TBC1D9B: variants seen among roughly 807,000 people sequenced by gnomAD.
The protein encoded by TBC1D9B is TBC1 domain family member 9B.
Under a neutral mutation model 121.1 loss-of-function variants are expected in TBC1D9B, and 87 were observed. That is an observed-to-expected ratio of 0.72 (90% CI 0.60 to 0.86). The LOEUF (loss-of-function observed/expected upper bound fraction) is 0.86, where lower values mean the gene tolerates loss of function less well. Ranked by LOEUF, TBC1D9B falls within the 40% of genes least tolerant of loss-of-function variation. The pLI is 0.00. For missense variants in TBC1D9B, 1,540 were observed against 1,628.6 expected (o/e 0.95, Z 0.94); for synonymous variants, 668 against 670.1 (o/e 1.00, Z 0.05).
chr5:179,880,103 G>A (rs575054543), intron 7 of TBC1D9B: 180 of 432,916 alleles, frequency 4.2e-4, no homozygotes, highest in Non-Finnish European at 6.5e-4. Flanking sequence ...AAGGACAGGA[G>A]AGGCCCTATC....
rs113302038 is a variant in TBC1D9B at position 179,892,773 on chromosome 5, C to T, written c.836+436G>A. ...CTGTCAATCACGGTGGGACGGAGGC[C>T]GTGCACTTGAGCCCAGATTTACCAA... On this transcript the variant is annotated intron_variant, in intron 5 of 20. Transcript: ENST00000355235. 7.4e-3 allele frequency among the ~76,000 whole-genome samples: 1,122 copies of T among 152,308 alleles called. 8 individuals are homozygous for T. The highest frequency in any genetic ancestry group is 0.024 in the Middle Eastern group (7 of 294).
Position 179,902,580 on chromosome 5 carries a change from C to T in TBC1D9B, c.229+2122G>A, listed in dbSNP as rs1188375387. On this transcript the variant is annotated intron_variant, in intron 2 of 20. Coordinates refer to ENST00000355235, the MANE Select transcript of TBC1D9B (RefSeq NM_015043.4). The surrounding 1 kb of genome is among the most constrained non-coding windows in gnomAD (Gnocchi z 4.9). ...GGGGCTACGTACATGGGCTCCGCTG[C>T]GTGGCTGTGGCTGGGCCCCTCCCCA... is the stretch of plus-strand genomic sequence containing the variant. 1.3e-5 allele frequency among the ~76,000 whole-genome samples: 2 copies of T among 152,154 alleles called. No homozygotes were observed. The highest frequency in any genetic ancestry group is 2.4e-5 in the African/African-American group (1 of 41,436).
rs534073188 is a variant in TBC1D9B at position 179,895,342 on chromosome 5, G to A, written c.349-728C>T. Reference sequence around the variant, plus strand: ...CATGCAAACACCAATGGATTCATAAGCAAATGTATGTTTTCCTCTTTCCCC... The same window carrying A: ...CATGCAAACACCAATGGATTCATAAACAAATGTATGTTTTCCTCTTTCCCC... On this transcript the variant is annotated intron_variant, in intron 3 of 20. Transcript: ENST00000355235. Among the ~76,000 whole-genome samples, 306 of 152,278 alleles carry A rather than the reference G, an allele frequency of 2.0e-3. 3 individuals are homozygous for A. Among genetic ancestry groups the A allele is most frequent in the African/African-American group, 7.0e-3 (291 of 41,532 alleles).
rs1217430448 is a variant in TBC1D9B, at chr5:179,891,545, G to GT, written c.877dup (p.Thr293AsnfsTer8). ...CCGCTCATCCCTGGGCAGCCGGAAC[G>GT]TGGCTCGGTAGCACTCATTCTTGGC... is the stretch of plus-strand genomic sequence containing the variant. On this transcript the variant is annotated frameshift_variant, in exon 6 of 21. Transcript: ENST00000355235. LOFTEE classifies it high-confidence loss of function. This position sits in a 1 kb window ranked among gnomAD's most constrained non-coding sequence, Gnocchi z 4.3. 1.9e-6 allele frequency: 3 copies of GT among 1,613,724 alleles called. No individual in the cohort carries two copies. Among genetic ancestry groups the GT allele is most frequent in the Non-Finnish European group, 2.5e-6 (3 of 1,180,006 alleles).
rs1761362761 is a variant in TBC1D9B at position 179,907,644 on chromosome 5, C to T, written c.118+60G>A. The T allele has an allele frequency of 2.2e-6, 2 of 899,604 alleles. No homozygotes were observed. Among genetic ancestry groups the T allele is most frequent in the Non-Finnish European group, 2.7e-6 (2 of 754,184 alleles). 55.7% of individuals were successfully genotyped at this position (899,604 alleles called of 1,614,324 possible). On this transcript the variant is annotated intron_variant, in intron 1 of 20. Transcript: ENST00000355235. This position sits in a 1 kb window ranked among gnomAD's most constrained non-coding sequence, Gnocchi z 5.3. ...ACCGGACCCGCCCGCCGCCCGCCGC[C>T]AGCCCCGCCGCCAGCCCAGCCGCGG...
At chr5:179,878,632 G>C in intron 9 of TBC1D9B, 109 bp from the exon 10 acceptor site, 1 of 1,079,970 alleles carries the variant, frequency 9.3e-7, no homozygotes, top group Non-Finnish European at 1.3e-6. Flanking sequence ...GGTGGGACTT[G>C]GGGTCAAGCA....
Position 179,873,732 on chromosome 5 carries a change from C to A in TBC1D9B, c.2187-484G>T, listed in dbSNP as rs269470. Among the ~76,000 whole-genome samples the A allele has an allele frequency of 4.9e-4, 74 of 152,142 alleles. 2 individuals are homozygous for A. In the South Asian group the frequency reaches 0.013, roughly 28 times the overall value. On this transcript the variant is annotated intron_variant, in intron 12 of 20. Transcript: ENST00000355235. ...AGGGACACAGTCCTGGGGATGGAGC[C>A]CTACCTCTGTCAGCTGACCTAGCCC... is the stretch of plus-strand genomic sequence containing the variant.
At chr5:179,871,163 T>C (rs1760185152) in intron 15 of TBC1D9B, among the ~76,000 whole-genome samples, 1 of 152,178 alleles carries the variant, frequency 6.6e-6, no homozygotes, top group Non-Finnish European at 1.5e-5. Flanking sequence ...CCTGAAGCTG[T>C]GCATTGCTAG....
chr5:179,905,220 A>G (rs934735377), intron 1 of TBC1D9B, among the ~76,000 whole-genome samples: 1 of 152,224 alleles, frequency 6.6e-6, no homozygotes, highest in Non-Finnish European at 1.5e-5. Flanking sequence ...AAATATCACA[A>G]AATCCAGAAA....
At chr5:179,896,258 TTC>T (rs1186771011) in intron 3 of TBC1D9B, among the ~76,000 whole-genome samples, 1 of 152,232 alleles carries the variant, frequency 6.6e-6, no homozygotes, top group Non-Finnish European at 1.5e-5. Context: ...ATTAGTAAAC[TTC>T]TGTTTTTGTC....
intron 7 of TBC1D9B, among the ~76,000 whole-genome samples, chr5:179,883,311 A>G (rs1760590929): frequency 6.6e-6 from 1 of 152,170 alleles, no homozygotes; most frequent in Non-Finnish European, 1.5e-5. Context: ...CACAGTTTCT[A>G]TTATCTGTTA....
chr5:179,877,574 G>A, intron 10 of TBC1D9B, among the ~76,000 whole-genome samples: 1 of 148,580 alleles, frequency 6.7e-6, no homozygotes, highest in South Asian at 2.1e-4. Context: ...TGAGGCAGGA[G>A]AATCGCTTGA....
rs764853309 is a variant in TBC1D9B at position 179,875,023 on chromosome 5, C to T, written c.2065G>A (p.Asp689Asn). 2.4e-5 allele frequency: 38 copies of T among 1,613,864 alleles called. No homozygotes were observed. Among genetic ancestry groups the T allele is most frequent in the Non-Finnish European group, 2.9e-5 (34 of 1,180,042 alleles). Residue 689 changes from aspartate (D) to asparagine (N), a missense_variant, in exon 12 of 21, where the codon GAC becomes AAC. Transcript: ENST00000355235. This position sits in a 1 kb window ranked among gnomAD's most constrained non-coding sequence, Gnocchi z 4.5. Reference protein sequence around the residue: ...MPFESAVVIVDCFFYEGIKVI... With the variant: ...MPFESAVVIVNCFFYEGIKVI... ...TTGATGCCCTCATAGAAAAAGCAGT[C>T]GACGATGACCACGGCGCTCTCGAAG...
chr5:179,903,418 G>A (rs963298924), intron 2 of TBC1D9B, among the ~76,000 whole-genome samples: 2 of 152,214 alleles, frequency 1.3e-5, no homozygotes, highest in Admixed American at 6.5e-5. Context: ...TTGGACGGGT[G>A]AGTGCGCTTC....
Position 179,897,063 on chromosome 5 carries a change from T to C in TBC1D9B, c.348+2126A>G, listed in dbSNP as rs549628449. ...CTGGGACTACAGGCCCCCGCCACCATGCCCGGCTAATTTTTTTGTATTTTT... is the reference window on the plus strand; with the variant it reads ...CTGGGACTACAGGCCCCCGCCACCACGCCCGGCTAATTTTTTTGTATTTTT... On this transcript the variant is annotated intron_variant, in intron 3 of 20. Coordinates refer to ENST00000355235, the MANE Select transcript of TBC1D9B (RefSeq NM_015043.4). Among the ~76,000 whole-genome samples, 310 of 150,844 alleles carry C rather than the reference T, an allele frequency of 2.1e-3. 1 individual carries two copies. The highest frequency in any genetic ancestry group is 7.0e-3 in the African/African-American group (288 of 41,078).
At chr5:179,876,186 C>T (rs1010923953) in intron 10 of TBC1D9B, 149 bp from the exon 11 acceptor site, 3 of 653,404 alleles carry the variant, frequency 4.6e-6, no homozygotes, top group Admixed American at 3.5e-5. Flanking sequence ...TTCAGGTTCT[C>T]GTGGTGAAGA....
chr5:179,865,756 G>A lies in TBC1D9B; in HGVS notation c.2914+82C>T. On this transcript the variant is annotated intron_variant, in intron 19 of 20. Transcript: ENST00000355235. The surrounding 1 kb of genome is among the most constrained non-coding windows in gnomAD (Gnocchi z 5.1). ...ATCTCCCGGGGTAGGGGGCTCCCTG[G>A]CAGTGACTGGGGAAAAGACCAGCAA... 3 of 1,467,530 alleles carry A rather than the reference G, an allele frequency of 2.0e-6. No individual in the cohort carries two copies. The highest frequency in any genetic ancestry group is 2.8e-6 in the Non-Finnish European group (3 of 1,082,552). 90.9% of individuals were successfully genotyped at this position (1,467,530 alleles called of 1,614,324 possible).
In TBC1D9B at chr5:179,904,153, C is replaced by A. The variant is rs141916554; in HGVS notation, c.229+549G>T. Among the ~76,000 whole-genome samples the A allele has an allele frequency of 6.6e-6, 1 of 151,720 alleles. No individual in the cohort carries two copies. The highest frequency in any genetic ancestry group is 1.5e-5 in the Non-Finnish European group (1 of 68,016). On this transcript the variant is annotated intron_variant, in intron 2 of 20. Coordinates refer to ENST00000355235, the MANE Select transcript of TBC1D9B (RefSeq NM_015043.4). This position sits in a 1 kb window ranked among gnomAD's most constrained non-coding sequence, Gnocchi z 4.2. ...CATTGGCTAGCCCCACACCTGCGTC[C>A]CTAGAGGTACATGGGGATCCATGGG...
intron 15 of TBC1D9B, 111 bp downstream of exon 15, chr5:179,871,351 T>C (rs1030478118): frequency 2.2e-5 from 24 of 1,100,540 alleles, no homozygotes; most frequent in Non-Finnish European, 2.9e-5. Flanking sequence ...TGTTTTTCTA[T>C]TCTATTCCCT....
Sources: gnomAD v4.1 joint callset for allele counts (sites outside exome capture counted in the v4.1 genomes callset) on GRCh38, gnomAD v4.1.1 for gene constraint, Gnocchi (gnomAD v3.1) non-coding constraint, MANE v1.5 for transcripts, NCBI Gene and HGNC (gene_info 2026-07-23, HGNC 2026-07-21) for gene names.